ITGA8: variants seen among roughly 807,000 people sequenced by gnomAD.
ITGA8 encodes integrin subunit alpha 8, also known as integrin alpha-8.
Under a neutral mutation model 142.3 loss-of-function variants are expected in ITGA8, and 91 were observed. The ratio of observed to expected loss-of-function variants is 0.64; its 90% CI spans 0.54 to 0.76. The LOEUF is 0.76. Among genes scored for constraint, ITGA8 ranks in the 30% least tolerant of loss-of-function variants. The probability of loss-of-function intolerance (pLI) is 0.00; values close to 1 mark genes in which losing one functional copy is unlikely to be tolerated. For synonymous variants in ITGA8, 505 were observed against 485.2 expected (o/e 1.04, Z -0.54); for missense variants, 1,406 against 1,327.7 (o/e 1.06, Z -0.92).
intron 14 of ITGA8, among the ~76,000 whole-genome samples, chr10:15,615,146 G>A (rs1246444600): frequency 1.3e-5 from 2 of 152,210 alleles, no homozygotes; most frequent in African/African-American, 4.8e-5. Flanking sequence ...ACAAGGCCTT[G>A]GCATGAAAGT....
chr10:15,640,263 T>G (rs1281010744), intron 13 of ITGA8, among the ~76,000 whole-genome samples: 1 of 152,266 alleles, frequency 6.6e-6, no homozygotes, highest in African/African-American at 2.4e-5. Flanking sequence ...GTCTTCCTCA[T>G]AGACAAGGAA....
intron 6 of ITGA8, among the ~76,000 whole-genome samples, chr10:15,674,766 A>C (rs566714353): frequency 1.2e-4 from 18 of 152,070 alleles, no homozygotes; most frequent in African/African-American, 3.9e-4. Context: ...ACATTGTGAA[A>C]CCCTGTCTAC....
At chr10:15,536,650 C>T (rs745476710) in intron 27 of ITGA8, among the ~76,000 whole-genome samples, 2 of 152,174 alleles carry the variant, frequency 1.3e-5, no homozygotes, top group African/African-American at 4.8e-5. Context: ...GGGTTAATAT[C>T]CCTTGGCAAC....
chr10:15,709,285 T>G (rs921290862), intron 2 of ITGA8, among the ~76,000 whole-genome samples: 1 of 152,186 alleles, frequency 6.6e-6, no homozygotes, highest in Non-Finnish European at 1.5e-5. Context: ...CCCCGAAACT[T>G]CTCACTTTTC....
At chr10:15,541,350 A>G (rs866401799) in intron 27 of ITGA8, among the ~76,000 whole-genome samples, 1 of 152,228 alleles carries the variant, frequency 6.6e-6, no homozygotes, top group African/African-American at 2.4e-5. Flanking sequence ...GCCCTGCATC[A>G]CTTTGGCATC....
intron 23 of ITGA8, among the ~76,000 whole-genome samples, chr10:15,581,770 G>A (rs1834411339): frequency 6.6e-6 from 1 of 152,122 alleles, no homozygotes; most frequent in South Asian, 2.1e-4. Flanking sequence ...TACATTTCAA[G>A]CCTTATTATT....
At chr10:15,590,099 A>G (rs1484302310) in intron 22 of ITGA8, among the ~76,000 whole-genome samples, 3 of 152,152 alleles carry the variant, frequency 2.0e-5, no homozygotes. Flanking sequence ...TGTATAATAC[A>G]TGTTTTGGGA....
intron 11 of ITGA8, among the ~76,000 whole-genome samples, chr10:15,654,333 C>T (rs1320061017): frequency 2.0e-5 from 3 of 152,208 alleles, no homozygotes; most frequent in African/African-American, 7.2e-5. Flanking sequence ...TAGCAGCAAC[C>T]TTCCTAACTC....
At chr10:15,533,621 TA>T in intron 27 of ITGA8, among the ~76,000 whole-genome samples, 1 of 152,240 alleles carries the variant, frequency 6.6e-6, no homozygotes, top group Non-Finnish European at 1.5e-5. Context: ...CCAAGTTCAA[TA>T]AAAAATTGAT....
chr10:15,697,406 C>G (rs1835077403), intron 2 of ITGA8, among the ~76,000 whole-genome samples: 1 of 152,130 alleles, frequency 6.6e-6, no homozygotes, highest in Non-Finnish European at 1.5e-5. Flanking sequence ...GACACCTGTC[C>G]CCCATTCCAT....
intron 11 of ITGA8, among the ~76,000 whole-genome samples, chr10:15,648,012 G>C (rs955881817): frequency 2.0e-5 from 3 of 152,092 alleles, no homozygotes; most frequent in African/African-American, 7.2e-5. Flanking sequence ...TAGAGATAAA[G>C]ATATAACCAC....
chr10:15,693,650 G>A (rs1052505753), intron 2 of ITGA8, among the ~76,000 whole-genome samples: 1 of 152,188 alleles, frequency 6.6e-6, no homozygotes, highest in Admixed American at 6.5e-5. Flanking sequence ...TGAAGCTGAA[G>A]ATTTCTTGCC....
intron 26 of ITGA8, among the ~76,000 whole-genome samples, chr10:15,552,316 T>G (rs1303762231): frequency 6.6e-6 from 1 of 152,138 alleles, no homozygotes; most frequent in Non-Finnish European, 1.5e-5. Context: ...CTTTTGTATT[T>G]TTAGTAGAGA....
chr10:15,718,111 G>C (rs546268962), intron 2 of ITGA8, among the ~76,000 whole-genome samples: 67 of 152,252 alleles, frequency 4.4e-4, no homozygotes, highest in Non-Finnish European at 7.1e-4. Flanking sequence ...ATTTTCTCAG[G>C]CTCTAAAGAG....
At chr10:15,571,523 G>A (rs1284783499) in intron 25 of ITGA8, among the ~76,000 whole-genome samples, 1 of 152,188 alleles carries the variant, frequency 6.6e-6, no homozygotes, top group Non-Finnish European at 1.5e-5. Flanking sequence ...GCCAAATTTG[G>A]ATGTTAATCT....
At chr10:15,636,988 T>C (rs946037682) in intron 13 of ITGA8, among the ~76,000 whole-genome samples, 2 of 151,906 alleles carry the variant, frequency 1.3e-5, no homozygotes, top group Admixed American at 1.3e-4. Context: ...CTATGAAAAA[T>C]ACAAAAATTA....
Position 15,684,020 on chromosome 10 carries a change from G to A in ITGA8, c.552C>T (p.Phe184=). Residue 184 remains phenylalanine (F), a synonymous_variant, in exon 4 of 30, where the codon TTC becomes TTT. Coordinates refer to ENST00000378076, the MANE Select transcript of ITGA8 (RefSeq NM_003638.3). The stretch of plus-strand genomic sequence containing the variant: ...GTTGCTTACTGTTCCGGCAAGGAGA[G>A]AACTCGGCATAGGCGCTGAAGTTCT... The part of the protein sequence containing the change: ...AIQNFSAYAE[F]SPCRNSNADP... 1.2e-6 allele frequency: 2 copies of A among 1,614,168 alleles called. No individual in the cohort carries two copies. The highest frequency in any genetic ancestry group is 3.3e-4 in the Middle Eastern group (2 of 6,062).
chr10:15,585,126 A>G (rs1229330883), intron 23 of ITGA8, among the ~76,000 whole-genome samples: 3 of 152,226 alleles, frequency 2.0e-5, no homozygotes, highest in Non-Finnish European at 4.4e-5. Flanking sequence ...GTGCACTAAA[A>G]TGAATCTCAA....
chr10:15,543,557 CAG>C (rs943935181), intron 27 of ITGA8, among the ~76,000 whole-genome samples: 12 of 152,110 alleles, frequency 7.9e-5, no homozygotes, highest in Admixed American at 7.9e-4. Context: ...ATGCAGTGAA[CAG>C]AGTCATAACA....
Sources: gnomAD v4.1 joint callset for allele counts (sites outside exome capture counted in the v4.1 genomes callset) on GRCh38, gnomAD v4.1.1 for gene constraint, MANE v1.5 for transcripts, NCBI Gene and HGNC (gene_info 2026-07-23, HGNC 2026-07-21) for gene names.